LRRC49: variants seen among roughly 807,000 people sequenced by gnomAD.
LRRC49 encodes the protein leucine-rich repeat-containing protein 49.
In LRRC49, 50 loss-of-function variants were observed where a neutral mutation model predicts 83.3. That is an observed-to-expected ratio of 0.60 (90% CI 0.48 to 0.76). LRRC49 has a LOEUF of 0.76. Ranked by LOEUF, LRRC49 falls within the 30% of genes least tolerant of loss-of-function variation. The pLI is 0.00. For synonymous variants in LRRC49, 286 were observed against 283.3 expected, an observed-to-expected ratio of 1.01 and a Z score of -0.10; for missense variants, 704 against 809.1, an observed-to-expected ratio of 0.87 and a Z score of 1.58.
intron 14 of LRRC49, among the ~76,000 whole-genome samples, chr15:71,024,965 T>C (rs896623527): frequency 9.2e-5 from 14 of 152,140 alleles, no homozygotes; most frequent in African/African-American, 3.4e-4. Flanking sequence ...GAAGACTGTC[T>C]TGCTGAAATA....
chr15:71,029,035 G>A (rs570979097), intron 14 of LRRC49, among the ~76,000 whole-genome samples: 5 of 152,036 alleles, frequency 3.3e-5, no homozygotes, highest in Admixed American at 1.3e-4. Flanking sequence ...TAATTGTAAC[G>A]TTAGGGTGTC....
intron 7 of LRRC49, among the ~76,000 whole-genome samples, chr15:70,930,208 A>G (rs565053996): frequency 3.9e-4 from 60 of 152,342 alleles, no homozygotes; most frequent in African/African-American, 1.4e-3. Flanking sequence ...TCCTTGCTCC[A>G]TGGACTGCAG....
At chr15:70,859,834 C>A in intron 1 of LRRC49, 1 of 763,622 alleles carries the variant, frequency 1.3e-6, no homozygotes, top group Non-Finnish European at 2.4e-6. Flanking sequence ...TGCGTGAGTA[C>A]CAGGAGCTGA....
intron 15 of LRRC49, among the ~76,000 whole-genome samples, chr15:71,042,611 C>T (rs2039729837): frequency 6.6e-6 from 1 of 152,180 alleles, no homozygotes; most frequent in African/African-American, 2.4e-5. Context: ...ATCACTGCAG[C>T]ACAAAGTGCT....
intron 14 of LRRC49, among the ~76,000 whole-genome samples, chr15:71,022,988 A>G (rs2039040763): frequency 6.6e-6 from 1 of 152,232 alleles, no homozygotes; most frequent in African/African-American, 2.4e-5. Flanking sequence ...CTTTAACCTG[A>G]TTACAAAATG....
At chr15:70,882,876 T>C (rs1219821574) in intron 2 of LRRC49, 9 of 1,613,928 alleles carry the variant, frequency 5.6e-6, no homozygotes, top group Middle Eastern at 1.6e-4. Flanking sequence ...CAGCATGGGG[T>C]TGGGTTTGCA....
chr15:70,853,589 C>T, intron 1 of LRRC49: 1 of 242,412 alleles, frequency 4.1e-6, no homozygotes, highest in South Asian at 1.8e-4. Context: ...GAGGGGGTGG[C>T]TTGGATGGCC....
At chr15:70,985,389 A>G (rs2037568519) in intron 11 of LRRC49, among the ~76,000 whole-genome samples, 1 of 152,038 alleles carries the variant, frequency 6.6e-6, no homozygotes, top group African/African-American at 2.4e-5. Flanking sequence ...AGTGATGATG[A>G]GCATTTTTTC....
intron 9 of LRRC49, 114 bp downstream of exon 9, chr15:70,964,046 C>A: frequency 1.9e-6 from 2 of 1,025,962 alleles, no homozygotes; most frequent in Non-Finnish European, 2.8e-6. Flanking sequence ...TATGGGTTAT[C>A]ATGATTGTAT....
At chr15:71,036,564 A>G (rs2039525781) in intron 14 of LRRC49, among the ~76,000 whole-genome samples, 1 of 152,196 alleles carries the variant, frequency 6.6e-6, no homozygotes, top group African/African-American at 2.4e-5. Flanking sequence ...ATCATGGCTG[A>G]TGGCTCTGTA....
At chr15:70,958,659 A>C (rs1312099909) in intron 8 of LRRC49, among the ~76,000 whole-genome samples, 1 of 152,210 alleles carries the variant, frequency 6.6e-6, no homozygotes, top group African/African-American at 2.4e-5. Flanking sequence ...TTTATACTTT[A>C]AGTGATGATT....
chr15:71,021,024 A>G (rs543899730), intron 14 of LRRC49, among the ~76,000 whole-genome samples: 91 of 152,262 alleles, frequency 6.0e-4, no homozygotes, highest in African/African-American at 2.1e-3. Context: ...ATACACTAAC[A>G]CTAATGATAG....
At chr15:70,894,587 A>T in intron 2 of LRRC49, 2 of 1,276,828 alleles carry the variant, frequency 1.6e-6, no homozygotes, top group South Asian at 2.5e-5. Flanking sequence ...ATACTTACCT[A>T]CTTTCTACAC....
chr15:71,023,623 C>T (rs1297499898), intron 14 of LRRC49, among the ~76,000 whole-genome samples: 1 of 152,196 alleles, frequency 6.6e-6, no homozygotes, highest in Admixed American at 6.5e-5. Flanking sequence ...GGAGCTCCCA[C>T]CCCCAGCCAA....
chr15:70,989,013 G>T (rs1252276128), intron 11 of LRRC49, among the ~76,000 whole-genome samples: 1 of 152,218 alleles, frequency 6.6e-6, no homozygotes, highest in Non-Finnish European at 1.5e-5. Context: ...TCTGCTGTTA[G>T]TCTGATGGGC....
At position 71,024,395 on chromosome 15, in the gene LRRC49, G is replaced by A. The variant is rs114439376; in HGVS notation, c.1703+11482G>A. Among the ~76,000 whole-genome samples, 340 of 152,228 alleles carry A rather than the reference G, an allele frequency of 2.2e-3. 2 individuals are homozygous for A. The highest frequency in any genetic ancestry group is 7.9e-3 in the African/African-American group (330 of 41,542). ...GGTGCCCTTCTAGGACAGAGACCCC[G>A]GAGGAAGGAGCAGGCAGTCATCTTT... On this transcript the variant is annotated intron_variant, in intron 14 of 15. Coordinates refer to ENST00000260382, the MANE Select transcript of LRRC49 (RefSeq NM_017691.5).
chr15:70,929,483 G>A (rs1362580226), intron 7 of LRRC49, among the ~76,000 whole-genome samples: 6 of 152,172 alleles, frequency 3.9e-5, no homozygotes, highest in Admixed American at 3.9e-4. Context: ...GGTGGAGGGA[G>A]GGTCTTGCCG....
At chr15:70,989,923 G>C (rs1393690577) in intron 11 of LRRC49, among the ~76,000 whole-genome samples, 1 of 152,204 alleles carries the variant, frequency 6.6e-6, no homozygotes, top group Non-Finnish European at 1.5e-5. Context: ...CTGGGTACCA[G>C]CAGCGGTGGC....
At chr15:70,879,908 A>C (rs953812819) in intron 2 of LRRC49, among the ~76,000 whole-genome samples, 1 of 152,184 alleles carries the variant, frequency 6.6e-6, no homozygotes, top group South Asian at 2.1e-4. Flanking sequence ...AGATAATTAA[A>C]CCAATCATAA....
Sources: gnomAD v4.1 joint callset for allele counts (sites outside exome capture counted in the v4.1 genomes callset) on GRCh38, gnomAD v4.1.1 for gene constraint, MANE v1.5 for transcripts, NCBI Gene and HGNC (gene_info 2026-07-23, HGNC 2026-07-21) for gene names.